The following SPATA6 variants were observed in gnomAD, a reference collection of about 807,000 sequenced individuals.
SPATA6 encodes the protein spermatogenesis-associated protein 6.
In SPATA6, 56 loss-of-function variants were observed where a neutral mutation model predicts 65.3. That is an observed-to-expected ratio of 0.86 (90% CI 0.69 to 1.07). SPATA6 has a LOEUF of 1.07. Among genes scored for constraint, SPATA6 ranks in the 50% least tolerant of loss-of-function variants. SPATA6 has a pLI of 0.00. For synonymous variants in SPATA6, 199 were observed against 213.2 expected (o/e 0.93, Z 0.58); for missense variants, 590 against 594.8 (o/e 0.99, Z 0.08).
At chr1:48,330,689 C>G (rs1364489246) in intron 11 of SPATA6, among the ~76,000 whole-genome samples, 1 of 152,250 alleles carries the variant, frequency 6.6e-6, no homozygotes, top group Non-Finnish European at 1.5e-5. Flanking sequence ...TCCTGCTGCC[C>G]TGAAAAAGCC....
intron 11 of SPATA6, among the ~76,000 whole-genome samples, chr1:48,306,771 G>A (rs955284554): frequency 1.8e-4 from 27 of 151,896 alleles, no homozygotes; most frequent in African/African-American, 6.0e-4. Context: ...AAACTAGGAA[G>A]AGAGCATTAT....
chr1:48,403,702 G>T, intron 6 of SPATA6, 100 bp downstream of exon 6: 1 of 913,172 alleles, frequency 1.1e-6, no homozygotes, highest in Non-Finnish European at 1.6e-6. Flanking sequence ...CCCCCAAAAA[G>T]TGAAAAGAGC....
rs145082818 is a variant in SPATA6 at position 48,440,178 on chromosome 1, G to A, written c.238+11374C>T. On this transcript the variant is annotated intron_variant, in intron 3 of 12. Coordinates refer to ENST00000371847, the MANE Select transcript of SPATA6 (RefSeq NM_019073.4). ...GGACCACAAAAACCCTCTGGCTATC[G>A]GTTATGTCCCCTTCAAGCTGTAGGG... is the stretch of plus-strand genomic sequence containing the variant. 2.8e-3 allele frequency among the ~76,000 whole-genome samples: 431 copies of A among 152,068 alleles called. 2 individuals carry two copies. Among genetic ancestry groups the A allele is most frequent in the African/African-American group, 9.9e-3 (409 of 41,500 alleles).
intron 3 of SPATA6, among the ~76,000 whole-genome samples, chr1:48,432,091 T>C (rs563312603): frequency 4.1e-4 from 63 of 152,086 alleles, no homozygotes; most frequent in East Asian, 3.7e-3. Context: ...GCCTGGGCAA[T>C]AGAGCCAGAC....
chr1:48,339,277 A>T (rs377286579), intron 11 of SPATA6, among the ~76,000 whole-genome samples: 12 of 151,994 alleles, frequency 7.9e-5, no homozygotes, highest in African/African-American at 2.9e-4. Flanking sequence ...ATCAATATAC[A>T]CTGACCCTGG....
intron 3 of SPATA6, among the ~76,000 whole-genome samples, chr1:48,440,022 A>G (rs1395388593): frequency 6.6e-6 from 1 of 152,066 alleles, no homozygotes; most frequent in Non-Finnish European, 1.5e-5. Context: ...AAAGCTTGCA[A>G]TTTACATCCC....
intron 3 of SPATA6, among the ~76,000 whole-genome samples, chr1:48,429,782 T>G (rs1654232500): frequency 6.6e-6 from 1 of 152,036 alleles, no homozygotes; most frequent in African/African-American, 2.4e-5. Flanking sequence ...AATGGAAATA[T>G]CAATAAAAAT....
intron 8 of SPATA6, among the ~76,000 whole-genome samples, chr1:48,388,711 A>AT (rs113509381): frequency 0.013 from 1,846 of 142,538 alleles, 29 homozygotes; most frequent in South Asian, 0.055. Context: ...AATACATTTG[A>AT]TTTTTTTTTT....
chr1:48,346,558 A>C (rs866331474), intron 11 of SPATA6, among the ~76,000 whole-genome samples: 1 of 152,110 alleles, frequency 6.6e-6, no homozygotes, highest in East Asian at 1.9e-4. Context: ...TCTTATATTG[A>C]GAAAACCCCA....
chr1:48,419,523 C>A (rs12065998), intron 3 of SPATA6, among the ~76,000 whole-genome samples: 2,239 of 152,218 alleles, frequency 0.015, 45 homozygotes, highest in African/African-American at 0.05. Flanking sequence ...TTACGGGATA[C>A]ATCTAATGAA....
At chr1:48,404,989 A>G (rs1292782745) in intron 5 of SPATA6, among the ~76,000 whole-genome samples, 1 of 152,230 alleles carries the variant, frequency 6.6e-6, no homozygotes, top group African/African-American at 2.4e-5. Flanking sequence ...GACATTGACC[A>G]AAGTATTAGG....
At chr1:48,469,956 G>A (rs2148212988) in intron 1 of SPATA6, among the ~76,000 whole-genome samples, 1 of 152,194 alleles carries the variant, frequency 6.6e-6, no homozygotes, top group South Asian at 2.1e-4. Flanking sequence ...TAGCCATGCT[G>A]AGCATCGATT....
intron 12 of SPATA6, among the ~76,000 whole-genome samples, chr1:48,305,385 A>T (rs981939276): frequency 6.6e-6 from 1 of 152,210 alleles, no homozygotes; most frequent in Admixed American, 6.5e-5. Context: ...AAATTTGCTC[A>T]TATAAACTTG....
intron 9 of SPATA6, among the ~76,000 whole-genome samples, chr1:48,381,670 ATAGT>A (rs895655048): frequency 5.1e-5 from 6 of 116,690 alleles, no homozygotes; most frequent in East Asian, 2.6e-4. Context: ...TTTTATATGA[ATAGT>A]TAAATTTTTT....
chr1:48,394,767 T>C (rs1650423444), intron 8 of SPATA6, among the ~76,000 whole-genome samples: 1 of 152,038 alleles, frequency 6.6e-6, no homozygotes, highest in Non-Finnish European at 1.5e-5. Context: ...CACTAGCCAA[T>C]GTCTACAGAT....
chr1:48,287,037 CAA>C, the SPATA6 span, among the ~76,000 whole-genome samples: 335 of 113,110 alleles, frequency 3.0e-3, 1 homozygote, highest in African/African-American at 9.5e-3. Context: ...TAGACTGTCT[CAA>C]AAAAAAAAAA....
chr1:48,293,440 G>C (rs1422993831), downstream of SPATA6, among the ~76,000 whole-genome samples: 3 of 152,094 alleles, frequency 2.0e-5, no homozygotes, highest in Admixed American at 6.6e-5. Context: ...GGACTCCAAA[G>C]CCCTCCCACA....
At chr1:48,268,087 G>A in the SPATA6 span, among the ~76,000 whole-genome samples, 5 of 151,938 alleles carry the variant, frequency 3.3e-5, no homozygotes, top group East Asian at 1.9e-4. Context: ...AATGGGGTAC[G>A]TGGGGGGCCA....
the SPATA6 span, among the ~76,000 whole-genome samples, chr1:48,264,533 G>A: frequency 7.3e-5 from 11 of 151,618 alleles, no homozygotes; most frequent in African/African-American, 2.4e-4. Context: ...CCCACCTCCC[G>A]ACAGGCCCCA....
Sources: allele counts gnomAD v4.1 joint callset (sites outside exome capture counted in the v4.1 genomes callset), GRCh38; gene constraint gnomAD v4.1.1; transcripts MANE v1.5; gene names NCBI Gene and HGNC (gene_info 2026-07-23, HGNC 2026-07-21).